The following DTWD2 variants were observed in gnomAD, a reference collection of about 807,000 sequenced individuals.
The protein encoded by DTWD2 is tRNA-uridine aminocarboxypropyltransferase 2.
A neutral mutation model predicts 31.8 loss-of-function variants in DTWD2; 39 were observed. The ratio of observed to expected loss-of-function variants is 1.22; its 90% confidence interval spans 0.95 to 1.60. The LOEUF (loss-of-function observed/expected upper bound fraction) is 1.60. Ranked by LOEUF, DTWD2 falls within the 40% of genes most tolerant of loss-of-function variation. The pLI is 0.00. For missense variants in DTWD2, 515 were observed against 381.5 expected (o/e 1.35, Z -2.92); for synonymous variants, 180 against 142.8 (o/e 1.26, Z -1.86).
intron 4 of DTWD2, among the ~76,000 whole-genome samples, chr5:118,889,093 A>C (rs1207431597): frequency 6.6e-6 from 1 of 152,166 alleles, no homozygotes; most frequent in Non-Finnish European, 1.5e-5. Context: ...AGAGATTTTT[A>C]ATTTTAATGA....
chr5:118,938,508 T>C (rs1754095439), intron 3 of DTWD2, among the ~76,000 whole-genome samples: 1 of 152,160 alleles, frequency 6.6e-6, no homozygotes, highest in African/African-American at 2.4e-5. Context: ...ATTACCACAT[T>C]TATATTAATA....
In DTWD2 at chr5:118,836,167, A is replaced by G; in HGVS notation, c.*4750T>C. On this transcript the variant is annotated 3_prime_UTR_variant, in exon 6 of 6. Transcript: ENST00000510708. ...AATTTCTTATTCGAATAATTTTTTT[A>G]AAAAACCTTACATTAAAAAGTTTCT... is the stretch of plus-strand genomic sequence containing the variant. Among the ~76,000 whole-genome samples the G allele has an allele frequency of 6.6e-6, 1 of 152,278 alleles. No homozygotes were observed. Among genetic ancestry groups the G allele is most frequent in the East Asian group, 1.9e-4 (1 of 5,194 alleles).
At chr5:118,892,331 CACAA>C (rs1216962727) in intron 4 of DTWD2, among the ~76,000 whole-genome samples, 6 of 152,052 alleles carry the variant, frequency 3.9e-5, no homozygotes, top group Non-Finnish European at 2.9e-5. Flanking sequence ...CTTTAATATT[CACAA>C]ACACATTGAC....
intron 1 of DTWD2, among the ~76,000 whole-genome samples, chr5:118,968,568 T>C (rs567144462): frequency 2.6e-4 from 39 of 152,174 alleles, no homozygotes; most frequent in African/African-American, 8.4e-4. Context: ...AGGCAGTGAG[T>C]GTGCGACCCC....
chr5:118,914,570 C>A (rs1321278605), intron 4 of DTWD2, among the ~76,000 whole-genome samples: 2 of 152,058 alleles, frequency 1.3e-5, no homozygotes, highest in Non-Finnish European at 2.9e-5. Context: ...AAAGTAACAG[C>A]AAAAAAGCAA....
rs150297460 is a variant in DTWD2 at position 118,851,504 on chromosome 5, G to A, written c.598-3286C>T. ...GTCACAAAGATTACATGCTTCAAAG[G>A]GCAAAAAGAACAAAGATCACATGCT... On this transcript the variant is annotated intron_variant, in intron 4 of 5. Transcript: ENST00000510708. Among the ~76,000 whole-genome samples, 977 of 151,924 alleles carry A rather than the reference G, an allele frequency of 6.4e-3. 19 individuals are homozygous for A. Among genetic ancestry groups the A allele is most frequent in the African/African-American group, 0.022 (927 of 41,422 alleles).
intron 1 of DTWD2, among the ~76,000 whole-genome samples, chr5:118,968,413 T>C (rs1301744852): frequency 2.6e-5 from 4 of 151,842 alleles, no homozygotes; most frequent in African/African-American, 4.8e-5. Flanking sequence ...AAACGGCAAA[T>C]GAAATTCTGA....
intron 4 of DTWD2, among the ~76,000 whole-genome samples, chr5:118,897,285 G>C (rs60283367): frequency 0.028 from 4,212 of 152,244 alleles, 193 homozygotes; most frequent in African/African-American, 0.096. Flanking sequence ...AAATCTTCCA[G>C]TACTGAATTG....
intron 4 of DTWD2, among the ~76,000 whole-genome samples, chr5:118,908,276 T>C (rs907320986): frequency 6.6e-6 from 1 of 151,576 alleles, no homozygotes; most frequent in African/African-American, 2.4e-5. Context: ...GACCAAGGAG[T>C]GATACGGGTG....
chr5:118,979,128 C>T (rs935365198), intron 1 of DTWD2, among the ~76,000 whole-genome samples: 2 of 152,002 alleles, frequency 1.3e-5, no homozygotes, highest in Non-Finnish European at 2.9e-5. Context: ...CATGGTGAAA[C>T]CCCATCTCTG....
chr5:118,893,122 T>A (rs1317563130), intron 4 of DTWD2, among the ~76,000 whole-genome samples: 1 of 151,934 alleles, frequency 6.6e-6, no homozygotes, highest in African/African-American at 2.4e-5. Flanking sequence ...ATGCCTGTAA[T>A]CCCAGCACTT....
chr5:118,912,857 TA>T lies in DTWD2; in HGVS notation c.597+15679del, dbSNP rs573216863. Among the ~76,000 whole-genome samples, 3 of 152,322 alleles carry T rather than the reference TA, an allele frequency of 2.0e-5. 1 individual carries two copies. In the South Asian group the frequency reaches 6.2e-4, roughly 32 times the overall value. ...GAACTGCAAATGAATTGGGTAAATG[TA>T]TGGATTAATCAGTGAATTAATGGAT... On this transcript the variant is annotated intron_variant, in intron 4 of 5. Transcript: ENST00000510708.
intron 4 of DTWD2, among the ~76,000 whole-genome samples, chr5:118,908,532 T>C (rs540895077): frequency 1.3e-5 from 2 of 152,218 alleles, no homozygotes; most frequent in South Asian, 2.1e-4. Flanking sequence ...CCGTGTCTTA[T>C]ATAGCCTAGA....
chr5:118,945,017 T>C (rs1003964915), intron 1 of DTWD2, among the ~76,000 whole-genome samples: 1 of 152,228 alleles, frequency 6.6e-6, no homozygotes, highest in Non-Finnish European at 1.5e-5. Flanking sequence ...GCAACTCTTC[T>C]GTGTCACTTT....
chr5:118,945,367 T>C (rs961287330), intron 1 of DTWD2, among the ~76,000 whole-genome samples: 2 of 152,186 alleles, frequency 1.3e-5, no homozygotes, highest in African/African-American at 4.8e-5. Flanking sequence ...TCTCTTCCTT[T>C]AGGGGCAACC....
At position 118,974,024 on chromosome 5, in the gene DTWD2, G is replaced by A. The variant is rs1315289437; in HGVS notation, c.218+14270C>T. On this transcript the variant is annotated intron_variant, in intron 1 of 5. Coordinates refer to ENST00000510708, the MANE Select transcript of DTWD2 (RefSeq NM_173666.4). Reference sequence around the variant, plus strand: ...TGATGGTGAGGAAGAGGATGGAGATGAAGATGAGGAAGCTGAGACAGCTAC... The same window carrying A: ...TGATGGTGAGGAAGAGGATGGAGATAAAGATGAGGAAGCTGAGACAGCTAC... The A allele has an allele frequency of 3.1e-6, 5 of 1,603,836 alleles. No homozygotes were observed. In the Admixed American group the frequency reaches 8.4e-5, roughly 27 times the overall value.
rs142952198 is a variant in DTWD2, at chr5:118,980,299, T to C, written c.218+7995A>G. ...GCAAACCCACTGTGTGCACAGCATC[T>C]ACCAAATTATCTCTGAAATCCCTGT... On this transcript the variant is annotated intron_variant, in intron 1 of 5. Transcript: ENST00000510708. Among the ~76,000 whole-genome samples the C allele has an allele frequency of 8.5e-5, 13 of 152,300 alleles. No homozygotes were observed. The East Asian group carries it at 2.3e-3, about 27-fold the overall frequency.
intron 2 of DTWD2, among the ~76,000 whole-genome samples, chr5:118,941,330 C>T (rs917753442): frequency 6.6e-6 from 1 of 152,140 alleles, no homozygotes; most frequent in African/African-American, 2.4e-5. Context: ...TCCCCACACC[C>T]CTCACCCTAC....
intron 1 of DTWD2, among the ~76,000 whole-genome samples, chr5:118,947,638 G>C (rs1470803158): frequency 6.6e-6 from 1 of 152,138 alleles, no homozygotes; most frequent in Non-Finnish European, 1.5e-5. Context: ...TTTTGGAAAA[G>C]ACAGCATTCG....
Sources: allele counts gnomAD v4.1 joint callset (sites outside exome capture counted in the v4.1 genomes callset), GRCh38; gene constraint gnomAD v4.1.1; transcripts MANE v1.5; gene names NCBI Gene and HGNC (gene_info 2026-07-23, HGNC 2026-07-21).